FAM161A: variants seen among roughly 807,000 people sequenced by gnomAD.
The protein encoded by FAM161A is protein FAM161A.
Under a neutral mutation model 70.9 loss-of-function variants are expected in FAM161A, and 57 were observed. That is an observed-to-expected ratio of 0.80 (90% CI 0.65 to 1.00). The LOEUF (loss-of-function observed/expected upper bound fraction) is 1.00. Ranked by LOEUF, FAM161A falls within the 50% of genes least tolerant of loss-of-function variation. The pLI is 0.00. For missense variants in FAM161A, 880 were observed against 836.0 expected, an observed-to-expected ratio of 1.05 and a Z score of -0.65; for synonymous variants, 299 against 295.7, an observed-to-expected ratio of 1.01 and a Z score of -0.12.
At chr2:61,819,034 C>T in the FAM161A span, among the ~76,000 whole-genome samples, 2 of 152,178 alleles carry the variant, frequency 1.3e-5, no homozygotes, top group Non-Finnish European at 2.9e-5. Context: ...TATTCATGCC[C>T]ACAATGTTTA....
chr2:61,817,609 C>T, the FAM161A span, among the ~76,000 whole-genome samples: 1 of 152,228 alleles, frequency 6.6e-6, no homozygotes, highest in Non-Finnish European at 1.5e-5. Flanking sequence ...TTGAGATACA[C>T]TCAGCTTAGG....
At chr2:61,827,039 T>C (rs1013267273) in intron 6 of FAM161A, 65 bp downstream of exon 6, 4 of 1,476,388 alleles carry the variant, frequency 2.7e-6, no homozygotes, top group African/African-American at 2.8e-5. Context: ...TAGTATAAAA[T>C]TGTGCTTTTC....
chr2:61,801,696 G>A, the FAM161A span, among the ~76,000 whole-genome samples: 1 of 151,876 alleles, frequency 6.6e-6, no homozygotes, highest in Middle Eastern at 3.2e-3. Flanking sequence ...GAGCAGCTGG[G>A]ATTATAGACA....
At chr2:61,806,937 C>T in the FAM161A span, among the ~76,000 whole-genome samples, 3 of 152,056 alleles carry the variant, frequency 2.0e-5, no homozygotes, top group Admixed American at 2.0e-4. Flanking sequence ...CATGATCCAC[C>T]TGCCTCAGCC....
chr2:61,826,570 C>G lies in FAM161A; in HGVS notation c.2036G>C (p.Arg679Thr). ...SFNEEEKIEE[R>T]ENGEENYFID... ...AAAATAATTTTCTTCCCCATTCTCT[C>G]TTTCTTCTATTTTTTCTTCTTCATT... is the stretch of plus-strand genomic sequence containing the variant. Residue 679 changes from arginine (R) to threonine (T), a missense_variant, in exon 7 of 7, where the codon AGA becomes ACA. Physicochemically the swap from Arg to Thr is moderately conservative, Grantham distance 71. Coordinates refer to ENST00000404929, the MANE Select transcript of FAM161A (RefSeq NM_001201543.2). The G allele has an allele frequency of 3.1e-6, 5 of 1,600,604 alleles. No individual in the cohort carries two copies. Among genetic ancestry groups the G allele is most frequent in the Non-Finnish European group, 4.3e-6 (5 of 1,170,794 alleles).
At chr2:61,801,572 T>C in the FAM161A span, among the ~76,000 whole-genome samples, 1 of 150,110 alleles carries the variant, frequency 6.7e-6, no homozygotes, top group Non-Finnish European at 1.5e-5. Context: ...TTTTTGGTTT[T>C]TTTTTTTTTT....
chr2:61,831,390 A>G (rs1320829811), intron 5 of FAM161A, among the ~76,000 whole-genome samples: 1 of 152,148 alleles, frequency 6.6e-6, no homozygotes, highest in Non-Finnish European at 1.5e-5. Flanking sequence ...AAAAAATAAC[A>G]TATCAATCTG....
chr2:61,814,024 G>T, the FAM161A span, among the ~76,000 whole-genome samples: 58 of 152,244 alleles, frequency 3.8e-4, no homozygotes, highest in Non-Finnish European at 6.5e-4. Context: ...TCAGAGTGAG[G>T]TTAGAGATGC....
Position 61,853,857 on chromosome 2 carries a change from A to G in FAM161A, c.183+2T>C. On this transcript the variant is annotated splice_donor_variant, in intron 1 of 6. Coordinates refer to ENST00000404929, the MANE Select transcript of FAM161A (RefSeq NM_001201543.2). LOFTEE classifies it high-confidence loss of function. ...CCAGCCCAAGTCCCGCCCCAGTATT[A>G]CCGATGCCCCAGCGGGCTGAGCCAC... is the stretch of plus-strand genomic sequence containing the variant. The G allele has an allele frequency of 6.2e-7, 1 of 1,613,816 alleles. No homozygotes were observed. Among genetic ancestry groups the G allele is most frequent in the Non-Finnish European group, 8.5e-7 (1 of 1,179,786 alleles).
chr2:61,828,875 CCA>C (rs1491379185), intron 5 of FAM161A, among the ~76,000 whole-genome samples: 8 of 152,226 alleles, frequency 5.3e-5, no homozygotes, highest in Admixed American at 3.9e-4. Context: ...CTTTATGGAG[CCA>C]CATAGTGACT....
At chr2:61,837,738 T>A (rs1056062010) in intron 4 of FAM161A, among the ~76,000 whole-genome samples, 5 of 151,926 alleles carry the variant, frequency 3.3e-5, no homozygotes, top group Non-Finnish European at 2.9e-5. Context: ...CTCAAAAAAA[T>A]AAATAAATAA....
At chr2:61,849,859 A>T in intron 1 of FAM161A, among the ~76,000 whole-genome samples, 1 of 6,896 alleles carries the variant, frequency 1.5e-4, no homozygotes, top group African/African-American at 1.4e-3. Flanking sequence ...ATAATCTTAA[A>T]CAAATTAACA....
Position 61,825,634 on chromosome 2 carries a change from C to G in FAM161A, c.*821G>C. On this transcript the variant is annotated 3_prime_UTR_variant, in exon 7 of 7. Transcript: ENST00000404929. ...TAAATTTGCAAGTATCCATTTTTTT[C>G]TATACTTTTTTTTTTTTTTTGGAGA... is the stretch of plus-strand genomic sequence containing the variant. 2.4e-6 allele frequency: 1 copy of G among 420,274 alleles called. No individual in the cohort carries two copies. Among genetic ancestry groups the G allele is most frequent in the Non-Finnish European group, 4.6e-6 (1 of 216,064 alleles). The allele number at this position is 420,274 out of a possible 1,614,324, so 26.0% of individuals were successfully genotyped here. A position where few individuals can be genotyped will look rare whatever the true frequency, so the allele number is the denominator to read the frequency against.
At chr2:61,803,900 G>T in the FAM161A span, among the ~76,000 whole-genome samples, 3 of 152,250 alleles carry the variant, frequency 2.0e-5, no homozygotes, top group Admixed American at 2.0e-4. Flanking sequence ...TTCCCATCCA[G>T]ACCCCAAGAG....
At chr2:61,835,853 T>G (rs1672748649) in intron 5 of FAM161A, 157 bp downstream of exon 5, 1 of 668,468 alleles carries the variant, frequency 1.5e-6, no homozygotes, top group South Asian at 1.8e-5. Flanking sequence ...TAAGCAAAAT[T>G]ACTCATTGGC....
At chr2:61,823,225 C>G (rs1018923604), downstream of FAM161A, among the ~76,000 whole-genome samples, 1 of 150,374 alleles carries the variant, frequency 6.7e-6, no homozygotes, top group Admixed American at 6.7e-5. Context: ...CCCAGCTACT[C>G]GGGAGGTGGA....
chr2:61,843,871 C>T (rs376989696), intron 1 of FAM161A, among the ~76,000 whole-genome samples: 7 of 152,124 alleles, frequency 4.6e-5, no homozygotes, highest in African/African-American at 1.4e-4. Flanking sequence ...AGGCCGGGCA[C>T]GGTGGCTCAC....
At chr2:61,847,631 G>A (rs1673275263) in intron 1 of FAM161A, among the ~76,000 whole-genome samples, 1 of 152,044 alleles carries the variant, frequency 6.6e-6, no homozygotes, top group Non-Finnish European at 1.5e-5. Context: ...AATTAGCTTG[G>A]TGAGGTAGTA....
At chr2:61,811,154 C>A in the FAM161A span, among the ~76,000 whole-genome samples, 3 of 152,110 alleles carry the variant, frequency 2.0e-5, no homozygotes, top group Non-Finnish European at 2.9e-5. Flanking sequence ...CTGGTCCAAG[C>A]CACCAGCAAC....
Sources: allele counts gnomAD v4.1 joint callset (sites outside exome capture counted in the v4.1 genomes callset), GRCh38; gene constraint gnomAD v4.1.1; transcripts MANE v1.5; gene names NCBI Gene and HGNC (gene_info 2026-07-23, HGNC 2026-07-21).